Variants in TSNARE1 observed in about 807,000 individuals in gnomAD.
TSNARE1 encodes t-SNARE domain-containing protein 1.
TSNARE1 carries 49 observed loss-of-function variants against 62.0 expected under a neutral mutation model. The ratio of observed to expected loss-of-function variants is 0.79; its 90% CI spans 0.63 to 1.00. The LOEUF is 1.00. Among genes scored for constraint, TSNARE1 ranks in the 50% least tolerant of loss-of-function variants. The pLI is 0.00. For synonymous variants in TSNARE1, 328 were observed against 294.4 expected, an observed-to-expected ratio of 1.11 and a Z score of -1.17; for missense variants, 755 against 700.1, an observed-to-expected ratio of 1.08 and a Z score of -0.88.
chr8:142,283,653 G>A (rs1372878291), intron 11 of TSNARE1, among the ~76,000 whole-genome samples: 1 of 150,766 alleles, frequency 6.6e-6, no homozygotes, highest in Non-Finnish European at 1.5e-5. Context: ...GGCAGGGCCA[G>A]TGTCTGTCAA....
chr8:142,364,226 AC>A, intron 1 of TSNARE1, among the ~76,000 whole-genome samples: 1 of 152,062 alleles, frequency 6.6e-6, no homozygotes, highest in Non-Finnish European at 1.5e-5. Context: ...TCCCTGCTGG[AC>A]CATGAGCTAC....
Position 142,233,655 on chromosome 8 carries a change from G to A in TSNARE1, c.1447-4076C>T, listed in dbSNP as rs1225378642. On this transcript the variant is annotated intron_variant, in intron 12 of 13. Coordinates refer to ENST00000524325, the MANE Select transcript of TSNARE1 (RefSeq NM_145003.5). ...CACAAGCTCACCTCCTCAGGAGGCT[G>A]AGCCCCTCCCCTGTCTGCTCTGCCT... Among the ~76,000 whole-genome samples, 20 of 152,200 alleles carry A rather than the reference G, an allele frequency of 1.3e-4. 1 individual carries two copies. Among genetic ancestry groups the A allele is most frequent in the Admixed American group, 1.3e-3 (20 of 15,292 alleles).
At chr8:142,389,513 G>C (rs905117032) in intron 1 of TSNARE1, among the ~76,000 whole-genome samples, 1 of 152,196 alleles carries the variant, frequency 6.6e-6, no homozygotes, top group Admixed American at 6.5e-5. Context: ...GTGCAAAGCA[G>C]CATATGAACT....
intron 12 of TSNARE1, among the ~76,000 whole-genome samples, chr8:142,264,794 G>T (rs568100967): frequency 3.9e-5 from 6 of 152,120 alleles, no homozygotes; most frequent in Admixed American, 1.3e-4. Context: ...TCCTATGTTG[G>T]AGTGCCTCTC....
At chr8:142,305,491 G>A (rs891078718) in intron 9 of TSNARE1, among the ~76,000 whole-genome samples, 4 of 152,156 alleles carry the variant, frequency 2.6e-5, no homozygotes, top group African/African-American at 9.7e-5. Context: ...CAGGGCTGGG[G>A]TGCGGGCCAG....
rs536500306 is a variant in TSNARE1 at position 142,291,250 on chromosome 8, A to G, written c.1291-6765T>C. ...GCCAAGCAAAAGTCGGCTCTCCAGCATCGCGGTGAGGATGGCCTTGTGCTG... is the reference window on the plus strand; with the variant it reads ...GCCAAGCAAAAGTCGGCTCTCCAGCGTCGCGGTGAGGATGGCCTTGTGCTG... On this transcript the variant is annotated intron_variant, in intron 10 of 13. Coordinates refer to ENST00000524325, the MANE Select transcript of TSNARE1 (RefSeq NM_145003.5). The surrounding 1 kb of genome is among the most constrained non-coding windows in gnomAD (Gnocchi z 4.8). Among the ~76,000 whole-genome samples, 2 of 151,988 alleles carry G rather than the reference A, an allele frequency of 1.3e-5. No homozygotes were observed. Among genetic ancestry groups the G allele is most frequent in the African/African-American group, 2.4e-5 (1 of 41,482 alleles).
chr8:142,296,740 G>T (rs1470387466), intron 10 of TSNARE1, among the ~76,000 whole-genome samples: 1 of 152,042 alleles, frequency 6.6e-6, no homozygotes, highest in African/African-American at 2.4e-5. Flanking sequence ...TCAGATCAGG[G>T]CAGGGTGCTC....
In TSNARE1 at chr8:142,377,572, C is replaced by A. The variant is rs553687768; in HGVS notation, c.-39-22809G>T. Among the ~76,000 whole-genome samples the A allele has an allele frequency of 9.8e-5, 15 of 152,306 alleles. 2 individuals are homozygous for A. In the South Asian group the frequency reaches 3.1e-3, roughly 32 times the overall value. On this transcript the variant is annotated intron_variant, in intron 1 of 13. Transcript: ENST00000524325. Reference sequence around the variant, plus strand: ...AGCGCCCCAGCAGCATGACAAATAACCCAAGAATCGCAGGAAGGCTGCTCC... The same window carrying A: ...AGCGCCCCAGCAGCATGACAAATAAACCAAGAATCGCAGGAAGGCTGCTCC...
At chr8:142,254,322 C>T (rs959107900) in intron 12 of TSNARE1, among the ~76,000 whole-genome samples, 2 of 152,162 alleles carry the variant, frequency 1.3e-5, no homozygotes, top group Non-Finnish European at 2.9e-5. Flanking sequence ...CCCCATGCCC[C>T]GGCCTCTCCC....
intron 13 of TSNARE1, among the ~76,000 whole-genome samples, chr8:142,215,423 G>A (rs915787643): frequency 2.6e-5 from 4 of 152,128 alleles, no homozygotes; most frequent in Admixed American, 6.5e-5. Context: ...AGTGCCTGAT[G>A]CCCCCATCTT....
intron 9 of TSNARE1, among the ~76,000 whole-genome samples, chr8:142,301,394 T>C (rs1344207722): frequency 1.0e-5 from 1 of 100,288 alleles, no homozygotes; most frequent in Admixed American, 9.7e-5. Flanking sequence ...TCCCCTCCCG[T>C]CAGGAGCCCG....
At chr8:142,271,133 A>T in intron 12 of TSNARE1, 1 of 986,788 alleles carries the variant, frequency 1.0e-6, no homozygotes, top group Non-Finnish European at 1.2e-6. Context: ...GAAGACCTCG[A>T]GCCCCGAGTG....
chr8:142,350,055 A>G (rs1327276158), intron 2 of TSNARE1, among the ~76,000 whole-genome samples: 1 of 124,818 alleles, frequency 8.0e-6, no homozygotes, highest in South Asian at 2.8e-4. Flanking sequence ...GGACCAGGGC[A>G]GGCAGGGCTG....
intron 13 of TSNARE1, among the ~76,000 whole-genome samples, chr8:142,218,396 C>A (rs1382327986): frequency 6.6e-6 from 1 of 152,176 alleles, no homozygotes; most frequent in Non-Finnish European, 1.5e-5. Flanking sequence ...TTGTGGGCTC[C>A]CTGGAGCTTC....
intron 9 of TSNARE1, among the ~76,000 whole-genome samples, chr8:142,308,136 G>A (rs1826990040): frequency 6.6e-6 from 1 of 152,230 alleles, no homozygotes; most frequent in Admixed American, 6.5e-5. Context: ...TATTAAGGAT[G>A]TAAGTCCTTT....
intron 1 of TSNARE1, among the ~76,000 whole-genome samples, chr8:142,382,666 G>A (rs909786404): frequency 4.6e-5 from 7 of 152,208 alleles, no homozygotes; most frequent in Non-Finnish European, 8.8e-5. Context: ...AGGAGGAGGG[G>A]ACCCATGGGC....
chr8:142,291,469 A>G lies in TSNARE1; in HGVS notation c.1291-6984T>C, dbSNP rs1823734644. Among the ~76,000 whole-genome samples, 1 of 152,142 alleles carries G rather than the reference A, an allele frequency of 6.6e-6. No homozygotes were observed. Among genetic ancestry groups the G allele is most frequent in the Non-Finnish European group, 1.5e-5 (1 of 68,028 alleles). On this transcript the variant is annotated intron_variant, in intron 10 of 13. Coordinates refer to ENST00000524325, the MANE Select transcript of TSNARE1 (RefSeq NM_145003.5). This position sits in a 1 kb window ranked among gnomAD's most constrained non-coding sequence, Gnocchi z 4.8. ...AGCAGGGCCTTGTCGTTAAACACAGAGCCTCCATGGAGTCCCAGGATAGAA... is the reference window on the plus strand; with the variant it reads ...AGCAGGGCCTTGTCGTTAAACACAGGGCCTCCATGGAGTCCCAGGATAGAA...
At chr8:142,355,319 G>A (rs1304771135) in intron 1 of TSNARE1, among the ~76,000 whole-genome samples, 2 of 152,260 alleles carry the variant, frequency 1.3e-5, no homozygotes, top group Non-Finnish European at 2.9e-5. Flanking sequence ...GAGCCATGGG[G>A]CCTCTCTGGG....
At chr8:142,323,319 G>A (rs768937218) in intron 6 of TSNARE1, among the ~76,000 whole-genome samples, 14 of 152,172 alleles carry the variant, frequency 9.2e-5, no homozygotes, top group Non-Finnish European at 7.3e-5. Flanking sequence ...TGGGCAGCAC[G>A]GGGGGCAGCA....
Sources: allele counts gnomAD v4.1 joint callset (sites outside exome capture counted in the v4.1 genomes callset), GRCh38; gene constraint gnomAD v4.1.1; non-coding constraint Gnocchi (gnomAD v3.1); transcripts MANE v1.5; gene names NCBI Gene and HGNC (gene_info 2026-07-23, HGNC 2026-07-21).